KSR1: variants seen among roughly 807,000 people sequenced by gnomAD.
KSR1 encodes kinase suppressor of ras.
Under a neutral mutation model 92.9 loss-of-function variants are expected in KSR1, and 35 were observed. The observed-to-expected ratio is 0.38, with a 90% confidence interval of 0.29 to 0.50. The LOEUF is 0.50. Ranked by LOEUF, KSR1 falls within the 20% of genes least tolerant of loss-of-function variation. The pLI, the probability that KSR1 is intolerant of heterozygous loss-of-function variation, is 0.94. For synonymous variants in KSR1, 467 were observed against 472.6 expected, an observed-to-expected ratio of 0.99 and a Z score of 0.15; for missense variants, 972 against 1,158.5, an observed-to-expected ratio of 0.84 and a Z score of 2.34.
intron 1 of KSR1, among the ~76,000 whole-genome samples, chr17:27,507,358 G>A (rs1044444490): frequency 1.3e-5 from 2 of 151,886 alleles, no homozygotes; most frequent in Non-Finnish European, 2.9e-5. Context: ...GCTTGAACCC[G>A]GGAGGTGGAG....
chr17:27,462,623 C>G (rs752274697), intron 1 of KSR1, among the ~76,000 whole-genome samples: 2 of 152,214 alleles, frequency 1.3e-5, no homozygotes, highest in Non-Finnish European at 1.5e-5. Flanking sequence ...AAATGGCTAC[C>G]TGTCTTATTC....
chr17:27,460,200 G>A (rs2019366629), intron 1 of KSR1, among the ~76,000 whole-genome samples: 1 of 152,072 alleles, frequency 6.6e-6, no homozygotes, highest in Non-Finnish European at 1.5e-5. Context: ...AGGGACACTT[G>A]GCCTGCCTAA....
At chr17:27,493,672 TGTC>T (rs1345296369) in intron 1 of KSR1, among the ~76,000 whole-genome samples, 4 of 152,148 alleles carry the variant, frequency 2.6e-5, no homozygotes, top group African/African-American at 9.7e-5. Context: ...CCTTCTGTGT[TGTC>T]GTGAGTGTAA....
At chr17:27,461,790 TG>T (rs1240011270) in intron 1 of KSR1, among the ~76,000 whole-genome samples, 1 of 147,860 alleles carries the variant, frequency 6.8e-6, no homozygotes, top group Non-Finnish European at 1.5e-5. Context: ...ACGTCAGGGT[TG>T]TTTCCTCTTC....
chr17:27,485,992 G>A (rs926304350), intron 1 of KSR1, among the ~76,000 whole-genome samples: 1 of 152,168 alleles, frequency 6.6e-6, no homozygotes, highest in African/African-American at 2.4e-5. Context: ...ATTAGTCTTC[G>A]TGCTTCTTAG....
chr17:27,458,771 T>C (rs2019301609), intron 1 of KSR1, among the ~76,000 whole-genome samples: 1 of 152,026 alleles, frequency 6.6e-6, no homozygotes, highest in Admixed American at 6.6e-5. Flanking sequence ...CTGGGTTGTT[T>C]TGGGGGATGG....
At chr17:27,509,959 T>G (rs543643440) in intron 1 of KSR1, among the ~76,000 whole-genome samples, 24 of 152,378 alleles carry the variant, frequency 1.6e-4, no homozygotes, top group Middle Eastern at 3.4e-3. Flanking sequence ...GTGGGCAGAC[T>G]TGGCTCAGAG....
intron 1 of KSR1, among the ~76,000 whole-genome samples, chr17:27,495,324 A>G (rs950792785): frequency 6.6e-6 from 1 of 152,076 alleles, no homozygotes; most frequent in African/African-American, 2.4e-5. Context: ...AGCATAGTTT[A>G]TATGTGTGCT....
rs762676256 is a variant in KSR1, at chr17:27,605,533, C to T, written c.1714C>T (p.Arg572Cys). The T allele has an allele frequency of 1.7e-5, 27 of 1,595,936 alleles. No homozygotes were observed. Among genetic ancestry groups the T allele is most frequent in the Non-Finnish European group, 2.3e-5 (27 of 1,172,178 alleles). ...CCGGCCCTGGCGGGGCCCCATCTCT[C>T]GCAAGGCCAGCCAGACCAGCGTGTA... ...SRRPWRGPIS[R>C]KASQTSVYLQ... The change falls in exon 14 of 21, where the codon CGC becomes TGC. Residue 572 changes from arginine to cysteine, a missense_variant. Transcript: ENST00000644974.
At chr17:27,501,279 AATTTCTTTTCTTC>A (rs2069170010) in intron 1 of KSR1, among the ~76,000 whole-genome samples, 1 of 70,350 alleles carries the variant, frequency 1.4e-5, no homozygotes. Flanking sequence ...TTTTTTTTTT[AATTTCTTTTCTTC>A]TTTTTTTTTT....
At chr17:27,507,829 C>T (rs768952528) in intron 1 of KSR1, among the ~76,000 whole-genome samples, 5 of 152,084 alleles carry the variant, frequency 3.3e-5, no homozygotes, top group South Asian at 2.1e-4. Flanking sequence ...CCTGCGTCAG[C>T]GTCCCAAAGT....
Position 27,611,599 on chromosome 17 carries a change from G to C in KSR1, c.2463G>C (p.Leu821=). The change falls in exon 18 of 21, where the codon CTG becomes CTC. Residue 821 remains leucine, a synonymous_variant. Coordinates refer to ENST00000644974, the MANE Select transcript of KSR1 (RefSeq NM_001394583.1). The part of the protein sequence containing the change: ...IGSGEGMKRV[L]TSVSLGKEVS... ...GCGGGGAAGGAATGAAGCGTGTCCT[G>C]ACTTCTGTCAGCTTGGGGAAGGAAG... The C allele has an allele frequency of 6.2e-7, 1 of 1,613,864 alleles. No individual in the cohort carries two copies. Among genetic ancestry groups the C allele is most frequent in the South Asian group, 1.1e-5 (1 of 91,062 alleles).
intron 3 of KSR1, 96 bp from the exon 4 acceptor site, chr17:27,582,550 C>T (rs991909430): frequency 6.3e-6 from 7 of 1,116,562 alleles, no homozygotes; most frequent in Non-Finnish European, 7.7e-6. Context: ...ACAGTGCAGC[C>T]TCACACCAGG....
intron 7 of KSR1, 125 bp from the exon 8 acceptor site, chr17:27,592,236 C>A: frequency 1.4e-6 from 1 of 738,644 alleles, no homozygotes; most frequent in East Asian, 2.5e-5. Flanking sequence ...TACTTTCGAG[C>A]TAACATTTGT....
chr17:27,468,560 A>C (rs191572856), intron 1 of KSR1, among the ~76,000 whole-genome samples: 1 of 152,202 alleles, frequency 6.6e-6, no homozygotes, highest in East Asian at 1.9e-4. Flanking sequence ...TAGGGTATTT[A>C]TGCTCTGTTT....
Position 27,577,814 on chromosome 17 carries a change from G to A in KSR1, c.520+175G>A. Reference sequence around the variant, plus strand: ...GAGAAGCTCTCCCAGGGTCCTCAGGGCTCTGGATCCTGGTGGGTCTGGCCA... The same window carrying A: ...GAGAAGCTCTCCCAGGGTCCTCAGGACTCTGGATCCTGGTGGGTCTGGCCA... On this transcript the variant is annotated intron_variant, in intron 3 of 20. Coordinates refer to ENST00000644974, the MANE Select transcript of KSR1 (RefSeq NM_001394583.1). The surrounding 1 kb of genome is among the most constrained non-coding windows in gnomAD (Gnocchi z 4.5). 1.4e-6 allele frequency: 1 copy of A among 708,448 alleles called. No homozygotes were observed. 43.9% of individuals were successfully genotyped at this position (708,448 alleles called of 1,614,324 possible). A position where few individuals can be genotyped will look rare whatever the true frequency, so the allele number is the denominator to read the frequency against.
rs1456546309 is a variant in KSR1, at chr17:27,610,171, C to G, written c.2330C>G (p.Ser777Cys). Reference sequence around the variant, plus strand: ...AAGGACGAGGATCAGCTGCCATTCTCCAAAGCTGCTGATGTCTATGCATTT... The same window carrying G: ...AAGGACGAGGATCAGCTGCCATTCTGCAAAGCTGCTGATGTCTATGCATTT... Reference protein sequence around the residue: ...PGKDEDQLPFSKAADVYAFGT... With the variant: ...PGKDEDQLPFCKAADVYAFGT... The change falls in exon 17 of 21, where the codon TCC becomes TGC. Residue 777 changes from serine to cysteine, a missense_variant. Ser to Cys is a moderately radical substitution (Grantham distance 112). Around this residue, in one of 5 missense-constraint regions of KSR1, gnomAD observed 260 missense variants for 375.2 expected, o/e 0.69. Coordinates refer to ENST00000644974, the MANE Select transcript of KSR1 (RefSeq NM_001394583.1). 1.2e-6 allele frequency: 2 copies of G among 1,613,902 alleles called. No individual in the cohort carries two copies. Among genetic ancestry groups the G allele is most frequent in the African/African-American group, 2.7e-5 (2 of 74,948 alleles).
In KSR1 at chr17:27,623,909, T is replaced by C. The variant is rs951307044; in HGVS notation, c.*517T>C. 11 of 357,086 alleles carry C rather than the reference T, an allele frequency of 3.1e-5. No individual in the cohort carries two copies. Among genetic ancestry groups the C allele is most frequent in the Non-Finnish European group, 2.5e-5 (5 of 201,846 alleles). 22.1% of individuals were successfully genotyped at this position (357,086 alleles called of 1,614,324 possible). A position where few individuals can be genotyped will look rare whatever the true frequency, so the allele number is the denominator to read the frequency against. On this transcript the variant is annotated 3_prime_UTR_variant, in exon 21 of 21. Transcript: ENST00000644974. ...TCTATCTAGGGCTCTCCCCTTGTCC[T>C]TTCAAAGGGATACTGCCCCTTCCTC...
chr17:27,497,317 C>T lies in KSR1; in HGVS notation c.231+40443C>T, dbSNP rs115739302. Among the ~76,000 whole-genome samples the T allele has an allele frequency of 1.5e-3, 228 of 152,338 alleles. 1 individual carries two copies. Among genetic ancestry groups the T allele is most frequent in the African/African-American group, 5.2e-3 (218 of 41,584 alleles). Reference sequence around the variant, plus strand: ...GCCAGGGTGGGCTTCATCCTCTTATCGTGGGACCAGCTGTCCCAGTGACTT... The same window carrying T: ...GCCAGGGTGGGCTTCATCCTCTTATTGTGGGACCAGCTGTCCCAGTGACTT... On this transcript the variant is annotated intron_variant, in intron 1 of 20. Transcript: ENST00000644974.
Sources: allele counts gnomAD v4.1 joint callset (sites outside exome capture counted in the v4.1 genomes callset), GRCh38; gene constraint gnomAD v4.1.1; regional missense constraint gnomAD v4.1.1; non-coding constraint Gnocchi (gnomAD v3.1); transcripts MANE v1.5; gene names NCBI Gene and HGNC (gene_info 2026-07-23, HGNC 2026-07-21).